Variants in ARHGAP39 observed in about 807,000 individuals in gnomAD.
ARHGAP39 encodes rho GTPase-activating protein 39.
ARHGAP39 carries 44 observed loss-of-function variants against 106.9 expected under a neutral mutation model. That is an observed-to-expected ratio of 0.41 (90% CI 0.32 to 0.53). The LOEUF is 0.53. Among genes scored for constraint, ARHGAP39 ranks in the 20% least tolerant of loss-of-function variants. The pLI is 0.21. For missense variants in ARHGAP39, 1,496 were observed against 1,577.3 expected (o/e 0.95, Z 0.87); for synonymous variants, 768 against 693.2 (o/e 1.11, Z -1.69).
At chr8:144,582,706 G>A in intron 2 of ARHGAP39, among the ~76,000 whole-genome samples, 1 of 152,166 alleles carries the variant, frequency 6.6e-6, no homozygotes, top group East Asian at 1.9e-4. Flanking sequence ...GAGGCGGGTG[G>A]GACTGGGCCT....
intron 4 of ARHGAP39, among the ~76,000 whole-genome samples, chr8:144,553,862 T>C (rs978820791): frequency 6.6e-6 from 1 of 152,152 alleles, no homozygotes; most frequent in Non-Finnish European, 1.5e-5. Flanking sequence ...CCCCGCCCAA[T>C]GCAGTGGCAA....
At chr8:144,544,458 C>T in intron 6 of ARHGAP39, among the ~76,000 whole-genome samples, 1 of 152,228 alleles carries the variant, frequency 6.6e-6, no homozygotes, top group East Asian at 1.9e-4. Flanking sequence ...GCATGTCTGA[C>T]CTGGAGGGTG....
At chr8:144,601,872 C>T (rs1434567317) in intron 2 of ARHGAP39, among the ~76,000 whole-genome samples, 8 of 136,748 alleles carry the variant, frequency 5.9e-5, no homozygotes, top group Non-Finnish European at 9.2e-5. Context: ...TGTGCGAGCT[C>T]ACGTACCTGT....
intron 2 of ARHGAP39, among the ~76,000 whole-genome samples, chr8:144,596,186 C>A (rs930353098): frequency 6.6e-6 from 1 of 151,404 alleles, no homozygotes; most frequent in African/African-American, 2.4e-5. Flanking sequence ...CGCTGTCCAC[C>A]ACCCCTCAGT....
chr8:144,627,551 T>C (rs1422871443), intron 1 of ARHGAP39, among the ~76,000 whole-genome samples: 1 of 26,336 alleles, frequency 3.8e-5, no homozygotes, highest in South Asian at 2.6e-3. Flanking sequence ...TGAGACTCCA[T>C]CTCAAAAAAA....
intron 4 of ARHGAP39, among the ~76,000 whole-genome samples, chr8:144,555,288 C>T (rs943135040): frequency 6.6e-6 from 1 of 152,260 alleles, no homozygotes; most frequent in Non-Finnish European, 1.5e-5. Context: ...CAGCACTCTG[C>T]TGCTCCACCA....
intron 1 of ARHGAP39, among the ~76,000 whole-genome samples, chr8:144,659,553 AG>A (rs369706807): frequency 1.1e-3 from 166 of 152,294 alleles, no homozygotes; most frequent in African/African-American, 3.5e-3. Flanking sequence ...TGGAGAGACA[AG>A]TGTTATTTCT....
rs183989637 is a variant in ARHGAP39, at chr8:144,546,751, C to T, written c.1959+376G>A. Among the ~76,000 whole-genome samples the T allele has an allele frequency of 9.0e-3, 1,376 of 152,310 alleles. 23 individuals are homozygous for T. Among genetic ancestry groups the T allele is most frequent in the African/African-American group, 0.028 (1,166 of 41,580 alleles). ...GCTTTGAGAACCACCAGGGAACCCC[C>T]GACACCTTGGCTGCCTGCTCCTCAG... On this transcript the variant is annotated intron_variant, in intron 5 of 11. Coordinates refer to ENST00000377307, the MANE Select transcript of ARHGAP39 (RefSeq NM_025251.3).
chr8:144,547,052 G>T lies in ARHGAP39; in HGVS notation c.1959+75C>A. 1 of 1,453,694 alleles carries T rather than the reference G, an allele frequency of 6.9e-7. No individual in the cohort carries two copies. Among genetic ancestry groups the T allele is most frequent in the Non-Finnish European group, 9.1e-7 (1 of 1,098,186 alleles). The allele number at this position is 1,453,694 out of a possible 1,614,324, so 90.0% of individuals were successfully genotyped here. A position where few individuals can be genotyped will look rare whatever the true frequency, so the allele number is the denominator to read the frequency against. ...ACGCCCTGGACGCCAGGTCTCCTGT[G>T]CCTGGCCCACGGGGTCCACTCTGAC... On this transcript the variant is annotated intron_variant, in intron 5 of 11. Transcript: ENST00000377307. This position sits in a 1 kb window ranked among gnomAD's most constrained non-coding sequence, Gnocchi z 5.2.
intron 2 of ARHGAP39, among the ~76,000 whole-genome samples, chr8:144,602,327 G>T (rs536804894): frequency 7.0e-6 from 1 of 143,490 alleles, no homozygotes; most frequent in Non-Finnish European, 1.5e-5. Flanking sequence ...GGAGGCGTGC[G>T]TGCGAGCTCG....
chr8:144,664,928 G>A (rs568647052), intron 1 of ARHGAP39, among the ~76,000 whole-genome samples: 1 of 152,328 alleles, frequency 6.6e-6, no homozygotes, highest in Admixed American at 6.5e-5. Context: ...AACGACTTTG[G>A]AAATGGGTAA....
intron 1 of ARHGAP39, among the ~76,000 whole-genome samples, chr8:144,631,119 G>A (rs947124309): frequency 6.6e-6 from 1 of 152,172 alleles, no homozygotes; most frequent in Non-Finnish European, 1.5e-5. Flanking sequence ...GATCCATCTC[G>A]CATGAGCCAG....
chr8:144,676,056 A>C (rs755670643), intron 1 of ARHGAP39, among the ~76,000 whole-genome samples: 5 of 152,206 alleles, frequency 3.3e-5, no homozygotes, highest in African/African-American at 4.8e-5. Context: ...CACAGCTCAT[A>C]AAGGCGGCGC....
intron 7 of ARHGAP39, among the ~76,000 whole-genome samples, chr8:144,535,600 G>A (rs999407988): frequency 2.6e-5 from 4 of 152,246 alleles, no homozygotes; most frequent in African/African-American, 9.6e-5. Flanking sequence ...GGGACATGTA[G>A]TCACTAGGCT....
At chr8:144,578,667 G>A (rs531500985) in intron 3 of ARHGAP39, among the ~76,000 whole-genome samples, 12 of 152,180 alleles carry the variant, frequency 7.9e-5, no homozygotes, top group African/African-American at 2.6e-4. Flanking sequence ...GGGCAACATA[G>A]TGAAACCCCA....
At chr8:144,685,910 G>T (rs1822578790), upstream of ARHGAP39, among the ~76,000 whole-genome samples, 1 of 149,972 alleles carries the variant, frequency 6.7e-6, no homozygotes, top group South Asian at 2.1e-4. Flanking sequence ...CCCCGCGGCG[G>T]TCACTACCCG....
chr8:144,619,887 C>G (rs1190661159), intron 1 of ARHGAP39, among the ~76,000 whole-genome samples: 1 of 134,940 alleles, frequency 7.4e-6, no homozygotes, highest in Non-Finnish European at 1.6e-5. Flanking sequence ...TGTGAGTGAG[C>G]CTGTACATCC....
At chr8:144,543,836 C>T (rs1426350508) in intron 6 of ARHGAP39, 1 of 152,252 alleles carries the variant, frequency 6.6e-6, no homozygotes, top group African/African-American at 2.4e-5. Context: ...CAAGAAACCT[C>T]AGGCCTTTGT....
At chr8:144,534,285 C>A (rs943302639) in intron 7 of ARHGAP39, 83 bp from the exon 8 acceptor site, 1 of 1,511,842 alleles carries the variant, frequency 6.6e-7, no homozygotes, top group East Asian at 2.3e-5. Flanking sequence ...ACAGCTCCTT[C>A]GAGGGCCCTG....
Sources: gnomAD v4.1 joint callset for allele counts (sites outside exome capture counted in the v4.1 genomes callset) on GRCh38, gnomAD v4.1.1 for gene constraint, Gnocchi (gnomAD v3.1) non-coding constraint, MANE v1.5 for transcripts, NCBI Gene and HGNC (gene_info 2026-07-23, HGNC 2026-07-21) for gene names.